EIF4E3: variants seen among roughly 807,000 people sequenced by gnomAD.
EIF4E3 encodes the protein eukaryotic translation initiation factor 4E family member 3.
Under a neutral mutation model 31.7 loss-of-function variants are expected in EIF4E3, and 26 were observed. That is an observed-to-expected ratio of 0.82 (90% confidence interval 0.60 to 1.14). The LOEUF (loss-of-function observed/expected upper bound fraction) is 1.14. Ranked by LOEUF, EIF4E3 falls within the 50% of genes most tolerant of loss-of-function variation. EIF4E3 has a pLI of 0.00. For synonymous variants in EIF4E3, 128 were observed against 107.7 expected, an observed-to-expected ratio of 1.19 and a Z score of -1.17; for missense variants, 304 against 270.9, an observed-to-expected ratio of 1.12 and a Z score of -0.86.
At chr3:71,688,489 C>T (rs1222829638) in intron 6 of EIF4E3, among the ~76,000 whole-genome samples, 4 of 152,154 alleles carry the variant, frequency 2.6e-5, no homozygotes, top group African/African-American at 9.7e-5. Context: ...GAAGTTGTGA[C>T]TTGCTCAAGG....
At chr3:71,751,118 A>G (rs1210580787) in intron 1 of EIF4E3, among the ~76,000 whole-genome samples, 1 of 151,824 alleles carries the variant, frequency 6.6e-6, no homozygotes, top group East Asian at 2.0e-4. Flanking sequence ...CTGTGGTCCC[A>G]GCTACTCAGG....
rs376075308 is a variant in EIF4E3 at position 71,730,810 on chromosome 3, G to A, written c.-290-2187C>T. Among the ~76,000 whole-genome samples the A allele has an allele frequency of 1.9e-4, 29 of 152,074 alleles. 1 individual carries two copies. In the South Asian group the frequency reaches 5.2e-3, roughly 27 times the overall value. ...GAGTGGCACAATCTTGGCTCATGCA[G>A]CCTCGGCCTCCCAGGCTCAAGCAAT... On this transcript the variant is annotated intron_variant, in intron 1 of 7. Coordinates refer to the EIF4E3 transcript ENST00000295612.
intron 1 of EIF4E3, among the ~76,000 whole-genome samples, chr3:71,719,824 G>A (rs752197251): frequency 4.3e-4 from 65 of 151,880 alleles, no homozygotes; most frequent in Non-Finnish European, 8.4e-4. Flanking sequence ...GACCGGCCTG[G>A]GCAACACAGT....
At chr3:71,692,207 G>A (rs1178887289) in intron 5 of EIF4E3, among the ~76,000 whole-genome samples, 2 of 152,160 alleles carry the variant, frequency 1.3e-5, no homozygotes, top group Admixed American at 6.5e-5. Context: ...TTAGGGTACT[G>A]GCAGCATAAG....
chr3:71,725,467 G>A, upstream of EIF4E3: 1 of 723,404 alleles, frequency 1.4e-6, no homozygotes, highest in Non-Finnish European at 1.7e-6. The surrounding 1 kb of genome is among the most constrained non-coding windows in gnomAD (Gnocchi z 6.1). Flanking sequence ...CGCGCGCCCC[G>A]CCCCGCCCCG....
rs1318130621 is a variant in EIF4E3 at position 71,676,667 on chromosome 3, T to A, written c.*8015A>T. On this transcript the variant is annotated 3_prime_UTR_variant, in exon 7 of 7. Coordinates refer to ENST00000425534, the MANE Select transcript of EIF4E3 (RefSeq NM_001134651.2). ...TTTGCCATATCTGAAAGTGTTTCTG[T>A]GGAACCACCCTTCTAGGGAACACTC... is the stretch of plus-strand genomic sequence containing the variant. 1 of 152,008 alleles carries A rather than the reference T, an allele frequency of 6.6e-6. No individual in the cohort carries two copies. The highest frequency in any genetic ancestry group is 1.5e-5 in the Non-Finnish European group (1 of 67,994). 9.4% of individuals were successfully genotyped at this position (152,008 alleles called of 1,614,324 possible).
chr3:71,712,851 C>CGA (rs2049402513), intron 1 of EIF4E3, among the ~76,000 whole-genome samples: 1 of 56,620 alleles, frequency 1.8e-5, no homozygotes, highest in East Asian at 3.4e-4. Flanking sequence ...TTAACCTAGA[C>CGA]CAAAAAAAAA....
chr3:71,682,943 C>T lies in EIF4E3; in HGVS notation c.*1739G>A, dbSNP rs1016226219. On this transcript the variant is annotated 3_prime_UTR_variant, in exon 7 of 7. Coordinates refer to ENST00000425534, the MANE Select transcript of EIF4E3 (RefSeq NM_001134651.2). ...TTATAAAAAAGTTTTAATTCATGTC[C>T]AGAATAATTTTTTAAAATTCTTGAG... 6.6e-6 allele frequency: 1 copy of T among 151,802 alleles called. No homozygotes were observed. Among genetic ancestry groups the T allele is most frequent in the African/African-American group, 2.4e-5 (1 of 41,268 alleles). 9.4% of individuals were successfully genotyped at this position (151,802 alleles called of 1,614,324 possible). A position where few individuals can be genotyped will look rare whatever the true frequency, so the allele number is the denominator to read the frequency against.
chr3:71,699,745 C>T (rs772942610), intron 2 of EIF4E3, 37 bp from the exon 3 acceptor site: 7 of 1,535,838 alleles, frequency 4.6e-6, no homozygotes, highest in Middle Eastern at 1.7e-4. Context: ...TTAATATACC[C>T]AGTATTGATT....
chr3:71,724,862 C>A (rs1459420418), intron 1 of EIF4E3, among the ~76,000 whole-genome samples: 1 of 152,352 alleles, frequency 6.6e-6, no homozygotes, highest in East Asian at 1.9e-4. Flanking sequence ...GCGGCCACCC[C>A]CAGCTCGCCT....
the EIF4E3 span, among the ~76,000 whole-genome samples, chr3:71,668,612 C>T: frequency 6.6e-6 from 1 of 151,378 alleles, no homozygotes; most frequent in African/African-American, 2.4e-5. Context: ...CTCAAAAGAA[C>T]ACCTTTATGC....
chr3:71,670,168 T>G, the EIF4E3 span, among the ~76,000 whole-genome samples: 1 of 152,206 alleles, frequency 6.6e-6, no homozygotes, highest in Non-Finnish European at 1.5e-5. Context: ...ATTTTACCTG[T>G]CCTCAAACCT....
intron 1 of EIF4E3, among the ~76,000 whole-genome samples, chr3:71,744,097 CTG>C (rs2049847930): frequency 6.6e-6 from 1 of 151,778 alleles, no homozygotes. Flanking sequence ...AATTGATAAA[CTG>C]AACTTCATCA....
In EIF4E3 at chr3:71,743,197, T is replaced by G. The variant is rs969410199; in HGVS notation, c.-291+10266A>C. ...AAAGGCATCCAGACTGAAAAAACGG[T>G]AACATTGTCTATTCCAGACAAGACG... On this transcript the variant is annotated intron_variant, in intron 1 of 7. Transcript: ENST00000295612. Among the ~76,000 whole-genome samples the G allele has an allele frequency of 7.2e-5, 11 of 152,232 alleles. No homozygotes were observed. In the East Asian group the frequency reaches 9.6e-4, roughly 13 times the overall value.
At chr3:71,710,139 C>T (rs1356443971) in intron 2 of EIF4E3, among the ~76,000 whole-genome samples, 5 of 152,220 alleles carry the variant, frequency 3.3e-5, no homozygotes, top group African/African-American at 4.8e-5. Flanking sequence ...CTTAACCACA[C>T]TGCAGTCTGC....
chr3:71,689,524 C>T (rs185785971), intron 6 of EIF4E3, among the ~76,000 whole-genome samples: 3 of 152,310 alleles, frequency 2.0e-5, no homozygotes, highest in Admixed American at 2.0e-4. Context: ...GTGTCATAGT[C>T]ATTCATAATG....
At chr3:71,753,941 G>T, upstream of EIF4E3, 1 of 1,015,090 alleles carries the variant, frequency 9.9e-7, no homozygotes, top group South Asian at 4.5e-5. Context: ...CGCAGGACGG[G>T]GAGCTCGCCC....
At chr3:71,746,448 C>A (rs1459892440) in intron 1 of EIF4E3, among the ~76,000 whole-genome samples, 1 of 152,206 alleles carries the variant, frequency 6.6e-6, no homozygotes, top group Admixed American at 6.5e-5. Flanking sequence ...AACGTTAAGG[C>A]CCACCAAAGG....
intron 4 of EIF4E3, among the ~76,000 whole-genome samples, chr3:71,694,191 G>A (rs2049102374): frequency 6.6e-6 from 1 of 152,204 alleles, no homozygotes; most frequent in Non-Finnish European, 1.5e-5. Context: ...AATCTCTAGT[G>A]AAACCCCTGG....
Sources: allele counts gnomAD v4.1 joint callset (sites outside exome capture counted in the v4.1 genomes callset), GRCh38; gene constraint gnomAD v4.1.1; non-coding constraint Gnocchi (gnomAD v3.1); transcripts MANE v1.5; gene names NCBI Gene and HGNC (gene_info 2026-07-23, HGNC 2026-07-21).